The following CORIN variants were observed in gnomAD, a reference collection of about 807,000 sequenced individuals.
CORIN encodes the protein atrial natriuretic peptide-converting enzyme.
In CORIN, 117 loss-of-function variants were observed where a neutral mutation model predicts 125.3. The ratio of observed to expected loss-of-function variants is 0.93; its 90% confidence interval spans 0.80 to 1.09. The LOEUF is 1.09. Among genes scored for constraint, CORIN ranks in the 50% least tolerant of loss-of-function variants. CORIN has a pLI of 0.00. For missense variants in CORIN, 1,253 were observed against 1,306.7 expected (o/e 0.96, Z 0.63); for synonymous variants, 450 against 466.4 (o/e 0.96, Z 0.45).
intron 3 of CORIN, among the ~76,000 whole-genome samples, chr4:47,770,834 T>C (rs1729994687): frequency 6.6e-6 from 1 of 152,066 alleles, no homozygotes; most frequent in Non-Finnish European, 1.5e-5. Context: ...GTTGAACTCA[T>C]AGAAGCAGAG....
At chr4:47,822,657 G>T (rs936863526) in intron 1 of CORIN, among the ~76,000 whole-genome samples, 1 of 152,118 alleles carries the variant, frequency 6.6e-6, no homozygotes, top group Non-Finnish European at 1.5e-5. Context: ...AAGTGATGTT[G>T]CATTTTTCTC....
At chr4:47,739,688 C>T (rs1728300329) in intron 5 of CORIN, among the ~76,000 whole-genome samples, 1 of 124,560 alleles carries the variant, frequency 8.0e-6, no homozygotes, top group Non-Finnish European at 1.8e-5. Context: ...TTTTATTATC[C>T]TATCTGATTC....
chr4:47,686,970 T>G (rs1292449667), intron 6 of CORIN, among the ~76,000 whole-genome samples: 1 of 152,190 alleles, frequency 6.6e-6, no homozygotes, highest in Admixed American at 6.5e-5. Context: ...CCCTGGTAAT[T>G]CATACTAAAA....
In CORIN at chr4:47,609,505, G is replaced by C. The variant is rs146683360; in HGVS notation, c.2541-5837C>G. ...TCCACCCACTTCAGCCTTCCAAAGTGCTGGGATTATAGGTGTGAGCCACCG... is the reference window on the plus strand; with the variant it reads ...TCCACCCACTTCAGCCTTCCAAAGTCCTGGGATTATAGGTGTGAGCCACCG... On this transcript the variant is annotated intron_variant, in intron 19 of 21. Transcript: ENST00000273857. Among the ~76,000 whole-genome samples the C allele has an allele frequency of 1.6e-3, 237 of 152,274 alleles. 1 individual carries two copies. Among genetic ancestry groups the C allele is most frequent in the African/African-American group, 5.7e-3 (235 of 41,550 alleles).
chr4:47,745,348 G>T (rs1728615379), intron 4 of CORIN, among the ~76,000 whole-genome samples: 1 of 152,192 alleles, frequency 6.6e-6, no homozygotes, highest in Admixed American at 6.5e-5. Flanking sequence ...GCTGAAGGCT[G>T]CATCTCTCAC....
Position 47,623,917 on chromosome 4 carries a change from G to C in CORIN, c.2347C>G (p.Leu783Val). 1 of 1,613,818 alleles carries C rather than the reference G, an allele frequency of 6.2e-7. No individual in the cohort carries two copies. Among genetic ancestry groups the C allele is most frequent in the Non-Finnish European group, 8.5e-7 (1 of 1,179,738 alleles). ...QSCESRSKIS[L>V]LCTKQDCGRR... ...CTCTCACCTTGTTTAGTACACAGAA[G>C]AGAAATTTTACTTCTGCTCTCACAA... The change falls in exon 18 of 22, where the codon CTT (leucine) becomes GTT (valine). Residue 783 changes from leucine to valine, a missense_variant. Transcript: ENST00000273857.
intron 14 of CORIN, among the ~76,000 whole-genome samples, chr4:47,643,551 C>A (rs894147420): frequency 3.3e-5 from 5 of 152,110 alleles, no homozygotes; most frequent in Non-Finnish European, 5.9e-5. Context: ...TACCAAAGAT[C>A]AGAGAACGGG....
intron 9 of CORIN, among the ~76,000 whole-genome samples, chr4:47,675,022 T>C (rs762832087): frequency 3.6e-4 from 55 of 152,350 alleles, no homozygotes; most frequent in Non-Finnish European, 7.8e-4. Flanking sequence ...CTGTTATCCA[T>C]ATTTTCAATA....
chr4:47,635,318 A>C (rs1277422947), intron 16 of CORIN, among the ~76,000 whole-genome samples: 1 of 152,158 alleles, frequency 6.6e-6, no homozygotes, highest in Non-Finnish European at 1.5e-5. Flanking sequence ...CATGTAAAAA[A>C]CTATTTTGGA....
chr4:47,664,764 T>G (rs1051509450), intron 11 of CORIN, among the ~76,000 whole-genome samples: 9 of 152,200 alleles, frequency 5.9e-5, no homozygotes, highest in African/African-American at 1.9e-4. Flanking sequence ...TACAACAGAA[T>G]GAAATACCTG....
intron 13 of CORIN, among the ~76,000 whole-genome samples, chr4:47,652,353 C>T (rs1220043354): frequency 6.6e-6 from 1 of 152,140 alleles, no homozygotes; most frequent in Non-Finnish European, 1.5e-5. Context: ...CAATGTTTAC[C>T]ACCTAAAATT....
chr4:47,627,818 T>C (rs1403807844), intron 16 of CORIN, among the ~76,000 whole-genome samples: 1 of 152,228 alleles, frequency 6.6e-6, no homozygotes, highest in African/African-American at 2.4e-5. Flanking sequence ...TTAGATTTTG[T>C]TATTTAATCA....
intron 5 of CORIN, among the ~76,000 whole-genome samples, chr4:47,694,298 T>C (rs948602892): frequency 3.3e-5 from 5 of 152,212 alleles, no homozygotes; most frequent in African/African-American, 9.6e-5. Context: ...CTTTTTACTG[T>C]ATTGTATTCT....
chr4:47,723,455 T>C (rs1727444776), intron 5 of CORIN, among the ~76,000 whole-genome samples: 1 of 152,086 alleles, frequency 6.6e-6, no homozygotes, highest in African/African-American at 2.4e-5. Flanking sequence ...GACTGATCCC[T>C]GGGAAATACA....
Position 47,623,094 on chromosome 4 carries a change from CTCTATA to C in CORIN, c.2540+471_2540+476del, listed in dbSNP as rs776639193. ...CCTCTCTCTCTCTCTCTCTCTCTCT[CTCTATA>C]TATATATATATATATATACACACAC... On this transcript the variant is annotated intron_variant, in intron 19 of 21. Coordinates refer to ENST00000273857, the MANE Select transcript of CORIN (RefSeq NM_006587.4). Among the ~76,000 whole-genome samples the C allele has an allele frequency of 5.0e-3, 505 of 101,448 alleles. 3 individuals are homozygous for C. Among genetic ancestry groups the C allele is most frequent in the Non-Finnish European group, 8.7e-3 (444 of 51,258 alleles). The allele number at this position is 101,448 out of a possible 152,430, so 66.6% of individuals were successfully genotyped here.
At chr4:47,629,456 T>C (rs1431706164) in intron 16 of CORIN, among the ~76,000 whole-genome samples, 3 of 152,218 alleles carry the variant, frequency 2.0e-5, no homozygotes, top group Admixed American at 6.5e-5. Flanking sequence ...ATTGGATATA[T>C]GGTTTTTTTA....
chr4:47,647,968 A>T (rs1437142574), intron 13 of CORIN, among the ~76,000 whole-genome samples: 1 of 152,240 alleles, frequency 6.6e-6, no homozygotes. Context: ...ATAAGCATTC[A>T]CTTTTCACCT....
intron 1 of CORIN, among the ~76,000 whole-genome samples, chr4:47,817,514 G>C (rs1192009285): frequency 6.6e-6 from 1 of 152,156 alleles, no homozygotes; most frequent in Non-Finnish European, 1.5e-5. Flanking sequence ...AGTTCCCAGT[G>C]TTTCAGCTGT....
At chr4:47,710,597 T>C (rs1335913780) in intron 5 of CORIN, among the ~76,000 whole-genome samples, 3 of 152,202 alleles carry the variant, frequency 2.0e-5, no homozygotes, top group African/African-American at 7.2e-5. Flanking sequence ...TGCCCCCCTA[T>C]AGAGCTCCTC....
Sources: allele counts gnomAD v4.1 joint callset (sites outside exome capture counted in the v4.1 genomes callset), GRCh38; gene constraint gnomAD v4.1.1; transcripts MANE v1.5; gene names NCBI Gene and HGNC (gene_info 2026-07-23, HGNC 2026-07-21).